PPP6R2: variants seen among roughly 807,000 people sequenced by gnomAD.
The protein encoded by PPP6R2 is protein phosphatase 6 regulatory subunit 2.
Under a neutral mutation model 100.2 loss-of-function variants are expected in PPP6R2, and 62 were observed. The ratio of observed to expected loss-of-function variants is 0.62; its 90% CI spans 0.50 to 0.76. The LOEUF (loss-of-function observed/expected upper bound fraction) is 0.76. Ranked by LOEUF, PPP6R2 falls within the 30% of genes least tolerant of loss-of-function variation. The pLI, the probability that PPP6R2 is intolerant of heterozygous loss-of-function variation, is 0.00. For synonymous variants in PPP6R2, 525 were observed against 514.7 expected (o/e 1.02, Z -0.27); for missense variants, 1,142 against 1,276.3 (o/e 0.89, Z 1.60).
At chr22:50,408,568 G>A (rs894974229) in intron 4 of PPP6R2, among the ~76,000 whole-genome samples, 5 of 152,118 alleles carry the variant, frequency 3.3e-5, no homozygotes, top group African/African-American at 7.2e-5. Context: ...TGGAGGCAGC[G>A]GGGAGCTGTG....
chr22:50,441,687 A>G (rs1221395892), intron 22 of PPP6R2, among the ~76,000 whole-genome samples: 2 of 152,006 alleles, frequency 1.3e-5, no homozygotes, highest in Non-Finnish European at 2.9e-5. Flanking sequence ...ATCCCTGGGG[A>G]GAGAGTGGAG....
At chr22:50,332,522 G>A in the PPP6R2 span, among the ~76,000 whole-genome samples, 15 of 150,938 alleles carry the variant, frequency 9.9e-5, no homozygotes, top group Non-Finnish European at 7.4e-5. Flanking sequence ...GAGCCACTGC[G>A]CCTAGCCTCT....
chr22:50,417,024 C>A (rs2147599179), intron 6 of PPP6R2, among the ~76,000 whole-genome samples: 1 of 152,052 alleles, frequency 6.6e-6, no homozygotes, highest in Middle Eastern at 3.4e-3. Flanking sequence ...TAGCAAATTA[C>A]CCTGAAATGT....
chr22:50,432,735 G>A (rs1381083347), intron 12 of PPP6R2, among the ~76,000 whole-genome samples: 1 of 152,250 alleles, frequency 6.6e-6, no homozygotes, highest in East Asian at 1.9e-4. Context: ...CCTCTGGTCA[G>A]GACACATGTC....
intron 12 of PPP6R2, among the ~76,000 whole-genome samples, chr22:50,432,754 T>A (rs1227389041): frequency 6.6e-6 from 1 of 152,220 alleles, no homozygotes; most frequent in Non-Finnish European, 1.5e-5. Context: ...TCCCGCTTAT[T>A]GTCGTGGGCC....
chr22:50,367,840 G>T (rs1366975967), intron 1 of PPP6R2, among the ~76,000 whole-genome samples: 1 of 152,102 alleles, frequency 6.6e-6, no homozygotes, highest in Non-Finnish European at 1.5e-5. Flanking sequence ...AAGACAGTTG[G>T]GCCTGGGGGA....
intron 18 of PPP6R2, 45 bp from the exon 19 acceptor site, chr22:50,438,554 C>T (rs1015310872): frequency 3.7e-6 from 6 of 1,600,382 alleles, no homozygotes; most frequent in Middle Eastern, 3.8e-4. Context: ...CCATGTTAGG[C>T]GTCCGTCCTG....
Position 50,438,169 on chromosome 22 carries a change from TG to T in PPP6R2, c.1840-4del. 1 of 1,609,344 alleles carries T rather than the reference TG, an allele frequency of 6.2e-7. No homozygotes were observed. The highest frequency in any genetic ancestry group is 1.3e-5 in the African/African-American group (1 of 74,896). On this transcript the variant is annotated splice_region_variant and splice_polypyrimidine_tract_variant and intron_variant, in intron 17 of 23. Transcript: ENST00000612753. ...GGAAACTCACCTTGGCGTTTTACTC[TG>T]CAGCCCAGCGCAGCTCTGTTTGAGG... is the stretch of plus-strand genomic sequence containing the variant.
chr22:50,394,266 G>A, intron 3 of PPP6R2, 131 bp downstream of exon 3: 2 of 1,383,706 alleles, frequency 1.4e-6, no homozygotes, highest in Non-Finnish European at 2.0e-6. Flanking sequence ...CCCCATGTGA[G>A]AAGTGAGGAG....
intron 22 of PPP6R2, among the ~76,000 whole-genome samples, chr22:50,441,297 ACAGGGCCTGGATGTCCCAGACAGTCCCC>A (rs1167122748): frequency 6.6e-6 from 1 of 152,156 alleles, no homozygotes; most frequent in African/African-American, 2.4e-5. Flanking sequence ...AGACAAGAAG[ACAGGGCCTGGATGTCCCAGACAGTCCCC>A]CAGGGACTTG....
In PPP6R2 at chr22:50,406,276, GGAGGTGAGAGGCCTGGAGA is replaced by G. The variant is rs1413367066; in HGVS notation, c.228-377_228-359del. 3.0e-3 allele frequency among the ~76,000 whole-genome samples: 328 copies of G among 108,262 alleles called. 2 individuals carry two copies. The South Asian group carries it at 0.042, about 14-fold the overall frequency. 71.0% of individuals were successfully genotyped at this position (108,262 alleles called of 152,430 possible). A position where few individuals can be genotyped will look rare whatever the true frequency, so the allele number is the denominator to read the frequency against. Reference sequence around the variant, plus strand: ...GGCAGGCGAGTGTGAAGGCCTAGAGGGAGGTGAGAGGCCTGGAGAGAGGTGAGAGGCCTGGAGAGAGGTG... The same window carrying G: ...GGCAGGCGAGTGTGAAGGCCTAGAGGGAGGTGAGAGGCCTGGAGAGAGGTG... On this transcript the variant is annotated intron_variant, in intron 3 of 23. Coordinates refer to ENST00000612753, the MANE Select transcript of PPP6R2 (RefSeq NM_001242898.2).
chr22:50,367,691 A>G (rs2049039910), intron 1 of PPP6R2, among the ~76,000 whole-genome samples: 1 of 152,200 alleles, frequency 6.6e-6, no homozygotes, highest in Non-Finnish European at 1.5e-5. Flanking sequence ...TACAATAAAT[A>G]TAATTGCTTT....
At chr22:50,338,080 G>GTGGT in the PPP6R2 span, among the ~76,000 whole-genome samples, 2 of 140,780 alleles carry the variant, frequency 1.4e-5, no homozygotes, top group Admixed American at 7.0e-5. Context: ...TGGTGTGTGT[G>GTGGT]ATGTGTAGTG....
rs538932574 is a variant in PPP6R2 at position 50,392,365 on chromosome 22, C to G, written c.-16-1528C>G. On this transcript the variant is annotated intron_variant, in intron 2 of 23. Coordinates refer to ENST00000612753, the MANE Select transcript of PPP6R2 (RefSeq NM_001242898.2). Reference sequence around the variant, plus strand: ...GAAAAAAAAAAAAAAAAAACCCACCCCAAAATCAAAACTGAAGGTAGTGTC... The same window carrying G: ...GAAAAAAAAAAAAAAAAAACCCACCGCAAAATCAAAACTGAAGGTAGTGTC... Among the ~76,000 whole-genome samples the G allele has an allele frequency of 5.0e-3, 754 of 151,392 alleles. 4 individuals carry two copies. Among genetic ancestry groups the G allele is most frequent in the African/African-American group, 0.017 (711 of 41,366 alleles).
chr22:50,360,390 G>A (rs1413947144), intron 1 of PPP6R2, among the ~76,000 whole-genome samples: 1 of 146,144 alleles, frequency 6.8e-6, no homozygotes, highest in African/African-American at 2.6e-5. Flanking sequence ...GGTCTCCTCT[G>A]CTGCCCACTT....
intron 19 of PPP6R2, among the ~76,000 whole-genome samples, chr22:50,439,310 T>G (rs1428463604): frequency 6.6e-6 from 1 of 151,926 alleles, no homozygotes; most frequent in Non-Finnish European, 1.5e-5. Context: ...ACATCCCAGA[T>G]AGGAGGAAGA....
At chr22:50,399,858 C>G (rs2057737568) in intron 3 of PPP6R2, among the ~76,000 whole-genome samples, 1 of 152,214 alleles carries the variant, frequency 6.6e-6, no homozygotes, top group Non-Finnish European at 1.5e-5. Context: ...GGGCGCCACC[C>G]CAGGGCTGGA....
intron 4 of PPP6R2, 30 bp from the exon 5 acceptor site, chr22:50,414,522 C>T (rs771065965): frequency 3.2e-5 from 52 of 1,610,026 alleles, no homozygotes; most frequent in South Asian, 1.8e-4. Flanking sequence ...GGGTCGGCCC[C>T]GCCTGCCTCT....
the PPP6R2 span, among the ~76,000 whole-genome samples, chr22:50,336,049 A>G: frequency 1.3e-5 from 2 of 151,302 alleles, no homozygotes; most frequent in Admixed American, 1.3e-4. Context: ...CAGTGACACA[A>G]TCTTGGTTCA....
Sources: gnomAD v4.1 joint callset for allele counts (sites outside exome capture counted in the v4.1 genomes callset) on GRCh38, gnomAD v4.1.1 for gene constraint, MANE v1.5 for transcripts, NCBI Gene and HGNC (gene_info 2026-07-23, HGNC 2026-07-21) for gene names.